PPARGC1A: variants seen among roughly 807,000 people sequenced by gnomAD.
The protein encoded by PPARGC1A is peroxisome proliferator-activated receptor gamma coactivator 1-alpha.
PPARGC1A carries 25 observed loss-of-function variants against 88.7 expected under a neutral mutation model. That is an observed-to-expected ratio of 0.28 (90% CI 0.21 to 0.39). PPARGC1A has a LOEUF of 0.39. PPARGC1A is among the 10% of genes least tolerant of loss of function. The pLI is 1.00. For missense variants in PPARGC1A, 880 were observed against 968.7 expected (o/e 0.91, Z 1.22); for synonymous variants, 363 against 355.6 (o/e 1.02, Z -0.24).
chr4:24,089,246 C>A, the PPARGC1A span, among the ~76,000 whole-genome samples: 1 of 152,162 alleles, frequency 6.6e-6, no homozygotes, highest in Non-Finnish European at 1.5e-5. Context: ...GCATCTGAGG[C>A]CATCAGATTT....
At chr4:24,150,298 G>C in the PPARGC1A span, among the ~76,000 whole-genome samples, 1 of 152,110 alleles carries the variant, frequency 6.6e-6, no homozygotes, top group Admixed American at 6.6e-5. Flanking sequence ...AGGACAAGTA[G>C]GTGTAACATA....
the PPARGC1A span, among the ~76,000 whole-genome samples, chr4:24,375,053 C>T: frequency 6.6e-6 from 1 of 150,646 alleles, no homozygotes; most frequent in Admixed American, 6.6e-5. Context: ...ACTATCATCC[C>T]TGTCAGGTTG....
intron 2 of PPARGC1A, among the ~76,000 whole-genome samples, chr4:23,876,562 T>G (rs543809175): frequency 6.6e-6 from 1 of 152,154 alleles, no homozygotes; most frequent in East Asian, 1.9e-4. Flanking sequence ...TGATAAATCA[T>G]GCTGATTTGG....
chr4:23,923,592 G>C, the PPARGC1A span, among the ~76,000 whole-genome samples: 9 of 152,090 alleles, frequency 5.9e-5, no homozygotes, highest in Admixed American at 3.9e-4. Flanking sequence ...AGAATGAAAT[G>C]ATTGCTAAAA....
chr4:23,980,185 CAAAAA>C, the PPARGC1A span, among the ~76,000 whole-genome samples: 2 of 89,492 alleles, frequency 2.2e-5, no homozygotes, highest in African/African-American at 4.4e-5. Context: ...TCCCAGCCAG[CAAAAA>C]AAAAAAAAAA....
chr4:23,930,489 C>A, the PPARGC1A span, among the ~76,000 whole-genome samples: 1 of 152,058 alleles, frequency 6.6e-6, no homozygotes, highest in African/African-American at 2.4e-5. Context: ...ACCTTAACAA[C>A]AACAATGATG....
At chr4:24,462,566 T>A in the PPARGC1A span, among the ~76,000 whole-genome samples, 1 of 151,948 alleles carries the variant, frequency 6.6e-6, no homozygotes, top group Admixed American at 6.6e-5. Flanking sequence ...CGTTACTTCA[T>A]CTCTCTGGGC....
At chr4:24,459,673 C>T in the PPARGC1A span, among the ~76,000 whole-genome samples, 270 of 152,216 alleles carry the variant, frequency 1.8e-3, 1 homozygote, top group African/African-American at 6.2e-3. Flanking sequence ...ACCTGTAGTC[C>T]AAGCCACTCA....
the PPARGC1A span, among the ~76,000 whole-genome samples, chr4:24,370,870 C>T: frequency 6.7e-6 from 1 of 149,376 alleles, no homozygotes; most frequent in Non-Finnish European, 1.5e-5. Flanking sequence ...CCTATCAACC[C>T]GTCATCTAGG....
chr4:23,857,411 T>A (rs1335326589), intron 2 of PPARGC1A, among the ~76,000 whole-genome samples: 2 of 147,710 alleles, frequency 1.4e-5, no homozygotes, highest in African/African-American at 4.9e-5. Flanking sequence ...AGATTTTATG[T>A]ACTAAATAGA....
chr4:24,128,530 CAGTGTGTGTG>C, the PPARGC1A span, among the ~76,000 whole-genome samples: 2 of 106,796 alleles, frequency 1.9e-5, no homozygotes, highest in Non-Finnish European at 3.8e-5. Flanking sequence ...CAGCCTGTCA[CAGTGTGTGTG>C]TGTGTGTGTG....
At chr4:24,241,158 T>G in the PPARGC1A span, among the ~76,000 whole-genome samples, 2 of 152,258 alleles carry the variant, frequency 1.3e-5, no homozygotes, top group African/African-American at 2.4e-5. Context: ...AGTTTGTGTA[T>G]ACTTTCTATA....
At chr4:24,057,456 TAAAAAA>T in the PPARGC1A span, among the ~76,000 whole-genome samples, 1 of 139,474 alleles carries the variant, frequency 7.2e-6, no homozygotes, top group Non-Finnish European at 1.5e-5. Context: ...TAAGATGGTT[TAAAAAA>T]AAAAAAAAAA....
the PPARGC1A span, among the ~76,000 whole-genome samples, chr4:24,387,838 A>AGAGAG: frequency 5.2e-4 from 38 of 72,428 alleles, 1 homozygote; most frequent in Non-Finnish European, 9.0e-4. Context: ...GAAAGAGAGA[A>AGAGAG]AGAGAGAGAG....
chr4:23,830,071 T>C (rs1724728893), intron 3 of PPARGC1A, among the ~76,000 whole-genome samples: 1 of 151,286 alleles, frequency 6.6e-6, no homozygotes, highest in Non-Finnish European at 1.5e-5. Context: ...GAGTGGAGTG[T>C]GGGGGGTGGG....
At chr4:23,954,608 T>C in the PPARGC1A span, among the ~76,000 whole-genome samples, 18 of 152,042 alleles carry the variant, frequency 1.2e-4, no homozygotes, top group Admixed American at 1.2e-3. Context: ...ATATAGATGT[T>C]TGATTGATAT....
At chr4:24,303,065 G>A in the PPARGC1A span, among the ~76,000 whole-genome samples, 2 of 152,092 alleles carry the variant, frequency 1.3e-5, no homozygotes, top group Non-Finnish European at 2.9e-5. Flanking sequence ...TGGAACCACG[G>A]CCACCTTCAA....
At chr4:24,286,245 G>A in the PPARGC1A span, among the ~76,000 whole-genome samples, 22 of 152,026 alleles carry the variant, frequency 1.4e-4, no homozygotes, top group African/African-American at 5.1e-4. Flanking sequence ...TGCTACCGAG[G>A]GAAAGTTGTC....
chr4:24,139,748 G>A, the PPARGC1A span, among the ~76,000 whole-genome samples: 3 of 152,052 alleles, frequency 2.0e-5, no homozygotes, highest in East Asian at 5.8e-4. Context: ...ATATTAATAA[G>A]CATTTGAGCA....
Sources: gnomAD v4.1 joint callset for allele counts (sites outside exome capture counted in the v4.1 genomes callset) on GRCh38, gnomAD v4.1.1 for gene constraint, MANE v1.5 for transcripts, NCBI Gene and HGNC (gene_info 2026-07-23, HGNC 2026-07-21) for gene names.